Variants in CMTM8 observed in about 807,000 individuals in gnomAD.
CMTM8 encodes the protein CKLF-like MARVEL transmembrane domain-containing protein 8.
A neutral mutation model predicts 18.6 loss-of-function variants in CMTM8; 12 were observed. The observed-to-expected ratio is 0.65, with a 90% CI of 0.41 to 1.05. CMTM8 has a LOEUF of 1.05. CMTM8 is among the 50% of genes least tolerant of loss of function. The pLI is 0.00. For missense variants in CMTM8, 217 were observed against 227.2 expected, an observed-to-expected ratio of 0.95 and a Z score of 0.29; for synonymous variants, 87 against 90.6, an observed-to-expected ratio of 0.96 and a Z score of 0.23.
At chr3:32,348,916 T>A (rs893487571) in intron 1 of CMTM8, among the ~76,000 whole-genome samples, 2 of 152,160 alleles carry the variant, frequency 1.3e-5, no homozygotes, top group African/African-American at 4.8e-5. Flanking sequence ...TTTCTCGATT[T>A]TATCATGCAG....
At chr3:32,301,706 C>T (rs906586239) in intron 1 of CMTM8, among the ~76,000 whole-genome samples, 14 of 149,690 alleles carry the variant, frequency 9.4e-5, no homozygotes, top group Non-Finnish European at 1.5e-4. Flanking sequence ...GGTTTCCATC[C>T]AGCAGTTCTT....
chr3:32,364,618 C>T (rs1299527413), intron 2 of CMTM8, among the ~76,000 whole-genome samples: 1 of 152,212 alleles, frequency 6.6e-6, no homozygotes, highest in African/African-American at 2.4e-5. Context: ...GCAGGTGAAG[C>T]TCCAGGGGAG....
chr3:32,238,798 G>C lies in CMTM8; in HGVS notation c.-175G>C, dbSNP rs1701903650. On this transcript the variant is annotated 5_prime_UTR_variant, in exon 1 of 4. Coordinates refer to ENST00000307526, the MANE Select transcript of CMTM8 (RefSeq NM_178868.5). ...GAGGCGCTAGGGGCACCGCGCACTA[G>C]AGGGACACCCGCCGCGCCTGGACAG... The C allele has an allele frequency of 8.0e-6, 3 of 375,328 alleles. No individual in the cohort carries two copies. The highest frequency in any genetic ancestry group is 9.1e-6 in the Non-Finnish European group (2 of 220,912). The allele number at this position is 375,328 out of a possible 1,614,324, so 23.2% of individuals were successfully genotyped here.
At chr3:32,269,427 A>G (rs1220262669) in intron 1 of CMTM8, among the ~76,000 whole-genome samples, 1 of 152,222 alleles carries the variant, frequency 6.6e-6, no homozygotes, top group African/African-American at 2.4e-5. Flanking sequence ...TCACATCATG[A>G]ACTAATGTTC....
In CMTM8 at chr3:32,310,157, G is replaced by GT. The variant is rs1491489175; in HGVS notation, c.148-47216_148-47215insT. Among the ~76,000 whole-genome samples the GT allele has an allele frequency of 9.3e-3, 902 of 97,256 alleles. 15 individuals are homozygous for GT. Among genetic ancestry groups the GT allele is most frequent in the African/African-American group, 0.038 (824 of 21,646 alleles). The allele number at this position is 97,256 out of a possible 152,430, so 63.8% of individuals were successfully genotyped here. A position where few individuals can be genotyped will look rare whatever the true frequency, so the allele number is the denominator to read the frequency against. ...GGCTGTGGATGATTTTTAAAATTGT[G>GT]GTTTTTTTTTTCTGTAAATCGAATT... On this transcript the variant is annotated intron_variant, in intron 1 of 3. Coordinates refer to ENST00000307526, the MANE Select transcript of CMTM8 (RefSeq NM_178868.5).
At chr3:32,298,966 T>C (rs1359113741) in intron 1 of CMTM8, among the ~76,000 whole-genome samples, 2 of 145,242 alleles carry the variant, frequency 1.4e-5, no homozygotes, top group Non-Finnish European at 3.0e-5. Context: ...TTTTTTTTTT[T>C]TTAGAGACAG....
intron 3 of CMTM8, among the ~76,000 whole-genome samples, chr3:32,368,699 T>C (rs909441660): frequency 6.6e-6 from 1 of 152,136 alleles, no homozygotes; most frequent in Non-Finnish European, 1.5e-5. Flanking sequence ...TGGGCTCAAG[T>C]GAGCTTCCTG....
At chr3:32,272,923 ATG>A (rs1702460114) in intron 1 of CMTM8, among the ~76,000 whole-genome samples, 1 of 152,182 alleles carries the variant, frequency 6.6e-6, no homozygotes, top group African/African-American at 2.4e-5. Context: ...CTGTACCTAG[ATG>A]AAAGCTTGAC....
chr3:32,276,153 C>A (rs1168366072), intron 1 of CMTM8, among the ~76,000 whole-genome samples: 1 of 152,120 alleles, frequency 6.6e-6, no homozygotes, highest in Non-Finnish European at 1.5e-5. Flanking sequence ...TTCTTCTCCC[C>A]TTCTGTTTTG....
intron 1 of CMTM8, among the ~76,000 whole-genome samples, chr3:32,321,875 C>G (rs192290718): frequency 6.6e-5 from 10 of 152,328 alleles, no homozygotes; most frequent in African/African-American, 2.4e-4. Flanking sequence ...CTGGGAGTTA[C>G]AGGCGTGAGC....
At chr3:32,291,429 C>T (rs1054387538) in intron 1 of CMTM8, among the ~76,000 whole-genome samples, 2 of 152,158 alleles carry the variant, frequency 1.3e-5, no homozygotes, top group South Asian at 2.1e-4. Flanking sequence ...CGTGAGCCAC[C>T]GTGCCCAGCC....
chr3:32,268,902 C>T (rs1201596325), intron 1 of CMTM8, among the ~76,000 whole-genome samples: 2 of 152,162 alleles, frequency 1.3e-5, no homozygotes, highest in Non-Finnish European at 2.9e-5. Flanking sequence ...TAACAGGTGC[C>T]GCTTTCTGGG....
chr3:32,294,361 T>C (rs1352062767), intron 1 of CMTM8, among the ~76,000 whole-genome samples: 1 of 152,234 alleles, frequency 6.6e-6, no homozygotes, highest in Non-Finnish European at 1.5e-5. Flanking sequence ...CCAGATGCCT[T>C]CTTCTCTATG....
intron 1 of CMTM8, among the ~76,000 whole-genome samples, chr3:32,247,080 GAC>G (rs1423051412): frequency 6.6e-6 from 1 of 152,118 alleles, no homozygotes; most frequent in Non-Finnish European, 1.5e-5. Context: ...TAACCTGCGT[GAC>G]AGAGTGAGAC....
At chr3:32,338,615 G>A (rs549240182) in intron 1 of CMTM8, among the ~76,000 whole-genome samples, 1 of 152,304 alleles carries the variant, frequency 6.6e-6, no homozygotes, top group African/African-American at 2.4e-5. Context: ...TGGTCACACA[G>A]CAAATTAGTG....
chr3:32,315,423 C>A (rs1695907918), intron 1 of CMTM8, among the ~76,000 whole-genome samples: 1 of 152,218 alleles, frequency 6.6e-6, no homozygotes, highest in Non-Finnish European at 1.5e-5. Flanking sequence ...AGCTACCACG[C>A]CCAGCCCTGT....
chr3:32,245,731 TA>T (rs1466246087), intron 1 of CMTM8, among the ~76,000 whole-genome samples: 2 of 152,202 alleles, frequency 1.3e-5, no homozygotes, highest in Non-Finnish European at 2.9e-5. Context: ...TGAGTTCCTT[TA>T]AAAAATAGTG....
Position 32,277,298 on chromosome 3 carries a change from G to T in CMTM8, c.147+38179G>T, listed in dbSNP as rs189033999. ...GGGAGGCCCTACATGGTGAGGCTGT[G>T]GGCAAGTAAGGCCCCACGGTGGTTG... On this transcript the variant is annotated intron_variant, in intron 1 of 3. Transcript: ENST00000307526. Among the ~76,000 whole-genome samples, 370 of 152,322 alleles carry T rather than the reference G, an allele frequency of 2.4e-3. 2 individuals are homozygous for T. The highest frequency in any genetic ancestry group is 7.5e-3 in the South Asian group (36 of 4,824).
intron 1 of CMTM8, among the ~76,000 whole-genome samples, chr3:32,333,211 A>G (rs1484672567): frequency 6.6e-6 from 1 of 152,238 alleles, no homozygotes; most frequent in Non-Finnish European, 1.5e-5. Context: ...TTTGAATGTC[A>G]TGTAATTTTT....
Sources: gnomAD v4.1 joint callset for allele counts (sites outside exome capture counted in the v4.1 genomes callset) on GRCh38, gnomAD v4.1.1 for gene constraint, MANE v1.5 for transcripts, NCBI Gene and HGNC (gene_info 2026-07-23, HGNC 2026-07-21) for gene names.